Variants in ZBTB7C observed in about 807,000 individuals in gnomAD.
ZBTB7C encodes the protein zinc finger and BTB domain containing 7C, also known as zinc finger and BTB domain-containing protein 7C.
A neutral mutation model predicts 25.7 loss-of-function variants in ZBTB7C; 8 were observed. That is an observed-to-expected ratio of 0.31 (90% confidence interval 0.18 to 0.56). The LOEUF (loss-of-function observed/expected upper bound fraction) is 0.56. ZBTB7C is among the 20% of genes least tolerant of loss of function. The pLI, the probability that ZBTB7C is intolerant of heterozygous loss-of-function variation, is 0.91. For missense variants in ZBTB7C, 824 were observed against 855.2 expected, an observed-to-expected ratio of 0.96 and a Z score of 0.46; for synonymous variants, 394 against 369.0, an observed-to-expected ratio of 1.07 and a Z score of -0.78.
At chr18:48,180,216 T>C (rs2041877144) in intron 3 of ZBTB7C, 1 of 319,698 alleles carries the variant, frequency 3.1e-6, no homozygotes, top group South Asian at 2.4e-5. Flanking sequence ...CTTCCTTCCT[T>C]CCTTCCTTTC....
chr18:48,342,580 G>A (rs943075988), intron 1 of ZBTB7C, among the ~76,000 whole-genome samples: 14 of 152,184 alleles, frequency 9.2e-5, no homozygotes, highest in African/African-American at 3.4e-4. Flanking sequence ...CACAACCCTC[G>A]GCAGGAGGGA....
In ZBTB7C at chr18:48,279,255, G is replaced by A. The variant is rs2044760474; in HGVS notation, c.-79+58919C>T. On this transcript the variant is annotated intron_variant, in intron 2 of 4. Coordinates refer to ENST00000590800, the MANE Select transcript of ZBTB7C (RefSeq NM_001318841.2). Reference sequence around the variant, plus strand: ...ATGCCCTGACATCCAGTACTTACAGGCCTTGGTCTCTTTCCAGTCTGAAGT... The same window carrying A: ...ATGCCCTGACATCCAGTACTTACAGACCTTGGTCTCTTTCCAGTCTGAAGT... Among the ~76,000 whole-genome samples the A allele has an allele frequency of 2.6e-5, 4 of 152,132 alleles. No homozygotes were observed. In the South Asian group the frequency reaches 6.2e-4, roughly 24 times the overall value.
upstream of ZBTB7C, among the ~76,000 whole-genome samples, chr18:48,412,310 G>A (rs2048387515): frequency 6.6e-6 from 1 of 152,060 alleles, no homozygotes; most frequent in Admixed American, 6.5e-5. Context: ...ACTGATTCAA[G>A]AAAAAAGAGG....
chr18:48,128,863 A>AT (rs34406460), intron 3 of ZBTB7C, among the ~76,000 whole-genome samples: 50,390 of 150,896 alleles, frequency 0.33, 9,699 homozygotes, highest in East Asian at 0.48. Context: ...ATTGAAATAA[A>AT]TTTTTTTTTT....
At chr18:48,164,540 T>A (rs1048100558) in intron 3 of ZBTB7C, among the ~76,000 whole-genome samples, 2 of 152,218 alleles carry the variant, frequency 1.3e-5, no homozygotes, top group Non-Finnish European at 2.9e-5. Flanking sequence ...ATGGTTCAGA[T>A]CAAGTGCTTA....
chr18:48,160,012 T>C (rs937859714), intron 3 of ZBTB7C, among the ~76,000 whole-genome samples: 2 of 152,158 alleles, frequency 1.3e-5, no homozygotes, highest in Admixed American at 6.5e-5. Flanking sequence ...TTGAGGGTAA[T>C]GAATGGAAAA....
chr18:48,162,207 C>G, intron 3 of ZBTB7C: 1 of 370,046 alleles, frequency 2.7e-6, no homozygotes, highest in Non-Finnish European at 5.6e-6. Context: ...CAAACACCAC[C>G]CCTGGCCCCA....
intron 1 of ZBTB7C, among the ~76,000 whole-genome samples, chr18:48,347,132 T>G (rs150542787): frequency 0.053 from 7,591 of 142,536 alleles, 248 homozygotes; most frequent in Non-Finnish European, 0.074. Flanking sequence ...TTGTTTTTTT[T>G]TTTTTTTTTT....
chr18:48,260,015 A>G (rs1944587), intron 2 of ZBTB7C, among the ~76,000 whole-genome samples: 151,043 of 152,322 alleles, frequency 0.99, 74,895 homozygotes, highest in Middle Eastern at 1. Flanking sequence ...CTAGGTTTGT[A>G]TCCAAGAGAA....
chr18:48,256,515 A>T (rs2044026513), intron 2 of ZBTB7C, among the ~76,000 whole-genome samples: 1 of 151,674 alleles, frequency 6.6e-6, no homozygotes, highest in Non-Finnish European at 1.5e-5. Context: ...TATTATAAGA[A>T]GTGTTAAAGG....
At chr18:48,270,812 T>C (rs1268477309) in intron 2 of ZBTB7C, among the ~76,000 whole-genome samples, 1 of 151,992 alleles carries the variant, frequency 6.6e-6, no homozygotes, top group Non-Finnish European at 1.5e-5. Context: ...AGTGCTGCGA[T>C]TACTGGCACG....
At chr18:48,064,876 G>T (rs2037264717) in intron 3 of ZBTB7C, among the ~76,000 whole-genome samples, 1 of 152,164 alleles carries the variant, frequency 6.6e-6, no homozygotes, top group South Asian at 2.1e-4. Context: ...GGCAGGAGAA[G>T]ACCTGGAACA....
intron 3 of ZBTB7C, among the ~76,000 whole-genome samples, chr18:48,169,164 G>A (rs960636320): frequency 6.6e-6 from 1 of 152,162 alleles, no homozygotes; most frequent in African/African-American, 2.4e-5. Flanking sequence ...GGCAATGCGG[G>A]TTAGGATTCT....
At chr18:48,288,551 G>A (rs2045126880) in intron 2 of ZBTB7C, among the ~76,000 whole-genome samples, 1 of 152,142 alleles carries the variant, frequency 6.6e-6, no homozygotes, top group South Asian at 2.1e-4. Flanking sequence ...AGCTACTTGG[G>A]AGGCTGAGGC....
At chr18:48,235,036 T>G (rs561031392) in intron 2 of ZBTB7C, among the ~76,000 whole-genome samples, 1 of 152,302 alleles carries the variant, frequency 6.6e-6, no homozygotes, top group African/African-American at 2.4e-5. Flanking sequence ...CCAGTGTATC[T>G]TTTTCCACTC....
At chr18:48,272,443 A>G (rs1248964263) in intron 2 of ZBTB7C, among the ~76,000 whole-genome samples, 1 of 152,204 alleles carries the variant, frequency 6.6e-6, no homozygotes, top group African/African-American at 2.4e-5. Flanking sequence ...AAGGGGAGAG[A>G]TGTATTCCAG....
At chr18:48,113,856 A>G (rs2144680247) in intron 3 of ZBTB7C, among the ~76,000 whole-genome samples, 1 of 152,318 alleles carries the variant, frequency 6.6e-6, no homozygotes, top group South Asian at 2.1e-4. Flanking sequence ...GCTACACACT[A>G]GTGCACAAGG....
At chr18:48,392,155 T>C (rs1190114184) in intron 1 of ZBTB7C, among the ~76,000 whole-genome samples, 1 of 152,232 alleles carries the variant, frequency 6.6e-6, no homozygotes, top group African/African-American at 2.4e-5. Flanking sequence ...TTCTCTGTGC[T>C]GGTCCCTTAA....
intron 2 of ZBTB7C, among the ~76,000 whole-genome samples, chr18:48,300,817 G>A (rs113191408): frequency 6.7e-4 from 102 of 152,382 alleles, no homozygotes; most frequent in South Asian, 2.1e-3. Context: ...AGGGGACAAC[G>A]AGAAGGACAC....
Sources: gnomAD v4.1 joint callset for allele counts (sites outside exome capture counted in the v4.1 genomes callset) on GRCh38, gnomAD v4.1.1 for gene constraint, MANE v1.5 for transcripts, NCBI Gene and HGNC (gene_info 2026-07-23, HGNC 2026-07-21) for gene names.